SESTD1: variants seen among roughly 807,000 people sequenced by gnomAD.
The protein encoded by SESTD1 is SEC14 and spectrin domain containing 1, also known as SEC14 domain and spectrin repeat-containing protein 1.
SESTD1 carries 43 observed loss-of-function variants against 101.7 expected under a neutral mutation model. The observed-to-expected ratio is 0.42, with a 90% CI of 0.33 to 0.55. The LOEUF (loss-of-function observed/expected upper bound fraction) is 0.55. SESTD1 is among the 20% of genes least tolerant of loss of function. SESTD1 has a pLI of 0.07. For synonymous variants in SESTD1, 283 were observed against 286.8 expected (o/e 0.99, Z 0.13); for missense variants, 647 against 815.1 (o/e 0.79, Z 2.51).
intron 7 of SESTD1, 121 bp downstream of exon 7, chr2:179,149,176 T>G (rs564049428): frequency 3.1e-6 from 2 of 654,478 alleles, no homozygotes; most frequent in South Asian, 2.0e-5. Context: ...GTACGTCAAT[T>G]TTGATTGAAT....
At chr2:179,161,371 T>C (rs1285096619) in intron 5 of SESTD1, among the ~76,000 whole-genome samples, 1 of 152,214 alleles carries the variant, frequency 6.6e-6, no homozygotes, top group African/African-American at 2.4e-5. Flanking sequence ...TTACCTTTCA[T>C]GTTGAATTTT....
At chr2:179,131,650 G>A (rs2045016709) in intron 10 of SESTD1, among the ~76,000 whole-genome samples, 1 of 152,148 alleles carries the variant, frequency 6.6e-6, no homozygotes. Flanking sequence ...CAGTAATGAA[G>A]AATTAACTGT....
intron 1 of SESTD1, among the ~76,000 whole-genome samples, chr2:179,194,984 T>C (rs75805674): frequency 0.058 from 8,849 of 152,160 alleles, 321 homozygotes; most frequent in South Asian, 0.12. Flanking sequence ...TCTTCAGTAA[T>C]TGAGAACAGA....
At chr2:179,259,041 T>C (rs1341728490) in intron 1 of SESTD1, among the ~76,000 whole-genome samples, 1 of 152,198 alleles carries the variant, frequency 6.6e-6, no homozygotes, top group Admixed American at 6.5e-5. Context: ...CAGGAGTGAA[T>C]ACTTGTAATG....
chr2:179,111,280 T>A (rs1000891571), intron 17 of SESTD1, among the ~76,000 whole-genome samples: 4 of 152,236 alleles, frequency 2.6e-5, no homozygotes, highest in African/African-American at 4.8e-5. Flanking sequence ...ATGAATAATA[T>A]TATTTCAAGG....
rs1269979882 is a variant in SESTD1, at chr2:179,208,629, C to A, written c.-25-16763G>T. 3.7e-5 allele frequency among the ~76,000 whole-genome samples: 5 copies of A among 134,906 alleles called. 2 individuals carry two copies. Among genetic ancestry groups the A allele is most frequent in the Non-Finnish European group, 8.0e-5 (5 of 62,758 alleles). The allele number at this position is 134,906 out of a possible 152,430, so 88.5% of individuals were successfully genotyped here. A position where few individuals can be genotyped will look rare whatever the true frequency, so the allele number is the denominator to read the frequency against. ...TTCTGTATCCAGCAAAACTAAGCTT[C>A]ATAAATGAAGGAGAGATAAAGTATT... is the stretch of plus-strand genomic sequence containing the variant. On this transcript the variant is annotated intron_variant, in intron 1 of 17. Coordinates refer to ENST00000428443, the MANE Select transcript of SESTD1 (RefSeq NM_178123.5).
chr2:179,120,605 C>T (rs1012195209), intron 13 of SESTD1, among the ~76,000 whole-genome samples: 5 of 152,172 alleles, frequency 3.3e-5, no homozygotes, highest in Admixed American at 6.5e-5. Flanking sequence ...TTGTGCCTAA[C>T]GCTAATCACA....
chr2:179,198,240 C>A (rs1346324994), intron 1 of SESTD1, among the ~76,000 whole-genome samples: 1 of 152,152 alleles, frequency 6.6e-6, no homozygotes, highest in Non-Finnish European at 1.5e-5. Context: ...GGGATCAATT[C>A]AACAAGAAGA....
chr2:179,139,376 T>A (rs2045226435), intron 9 of SESTD1, among the ~76,000 whole-genome samples: 1 of 152,118 alleles, frequency 6.6e-6, no homozygotes, highest in Non-Finnish European at 1.5e-5. Flanking sequence ...TCTGGACTCA[T>A]CTAAAACCGC....
chr2:179,257,219 T>C (rs577015883), intron 1 of SESTD1, among the ~76,000 whole-genome samples: 106 of 150,974 alleles, frequency 7.0e-4, no homozygotes, highest in African/African-American at 2.5e-3. Flanking sequence ...GCTGCCCTTA[T>C]GAAAAAAAAA....
chr2:179,235,267 G>C (rs1286290499), intron 1 of SESTD1, among the ~76,000 whole-genome samples: 2 of 151,978 alleles, frequency 1.3e-5, no homozygotes, highest in East Asian at 3.9e-4. Context: ...GGGGCTAAGG[G>C]GCATAATGTC....
chr2:179,191,897 C>T, intron 1 of SESTD1, 31 bp from the exon 2 acceptor site: 4 of 1,398,486 alleles, frequency 2.9e-6, no homozygotes, highest in Admixed American at 1.8e-5. Context: ...ATGTCAACTA[C>T]AAGACAACAA....
chr2:179,192,137 G>A (rs1475876407), intron 1 of SESTD1, among the ~76,000 whole-genome samples: 1 of 152,130 alleles, frequency 6.6e-6, no homozygotes, highest in Non-Finnish European at 1.5e-5. Context: ...TCCTCTGGTA[G>A]GCAAAATCAC....
intron 13 of SESTD1, among the ~76,000 whole-genome samples, chr2:179,121,162 T>A (rs1277943463): frequency 6.6e-6 from 1 of 152,212 alleles, no homozygotes; most frequent in African/African-American, 2.4e-5. Context: ...GATCATAAAA[T>A]TTTTAAGTGT....
At chr2:179,158,006 C>A in intron 5 of SESTD1, among the ~76,000 whole-genome samples, 1 of 152,002 alleles carries the variant, frequency 6.6e-6, no homozygotes, top group Non-Finnish European at 1.5e-5. Context: ...ACTAGAATAC[C>A]CCAAATGATT....
At chr2:179,126,392 G>A (rs1005493397) in intron 10 of SESTD1, among the ~76,000 whole-genome samples, 2 of 152,016 alleles carry the variant, frequency 1.3e-5, no homozygotes, top group African/African-American at 2.4e-5. Flanking sequence ...CTTTTCTCTT[G>A]TTTTCTGAGA....
intron 12 of SESTD1, 50 bp from the exon 13 acceptor site, chr2:179,121,979 C>T (rs1044227247): frequency 6.5e-7 from 1 of 1,530,854 alleles, no homozygotes. Flanking sequence ...AAGGCGCTTT[C>T]CCTCCCTCAA....
chr2:179,227,850 C>G (rs1324210961), intron 1 of SESTD1, among the ~76,000 whole-genome samples: 1 of 152,172 alleles, frequency 6.6e-6, no homozygotes, highest in Non-Finnish European at 1.5e-5. Flanking sequence ...CAAATGTGAA[C>G]TCTGCCGCTT....
chr2:179,141,960 C>G (rs995714202), intron 9 of SESTD1, among the ~76,000 whole-genome samples: 25 of 152,278 alleles, frequency 1.6e-4, no homozygotes, highest in African/African-American at 5.5e-4. Context: ...ATTCTAAATC[C>G]TTTTGCCTGA....
Sources: allele counts gnomAD v4.1 joint callset (sites outside exome capture counted in the v4.1 genomes callset), GRCh38; gene constraint gnomAD v4.1.1; transcripts MANE v1.5; gene names NCBI Gene and HGNC (gene_info 2026-07-23, HGNC 2026-07-21).